DOCK8: variants seen among roughly 807,000 people sequenced by gnomAD.
DOCK8 encodes the protein dedicator of cytokinesis protein 8.
Under a neutral mutation model 245.6 loss-of-function variants are expected in DOCK8, and 141 were observed. That is an observed-to-expected ratio of 0.57 (90% CI 0.50 to 0.66). The LOEUF (loss-of-function observed/expected upper bound fraction) is 0.66, where lower values mean the gene tolerates loss of function less well. Ranked by LOEUF, DOCK8 falls within the 30% of genes least tolerant of loss-of-function variation. DOCK8 has a pLI of 0.00. For synonymous variants in DOCK8, 1,168 were observed against 970.2 expected, an observed-to-expected ratio of 1.20 and a Z score of -3.79; for missense variants, 2,965 against 2,603.4, an observed-to-expected ratio of 1.14 and a Z score of -3.02.
At chr9:462,523 C>G (rs1587139999) in intron 46 of DOCK8, among the ~76,000 whole-genome samples, 3 of 152,214 alleles carry the variant, frequency 2.0e-5, no homozygotes, top group Admixed American at 1.3e-4. Context: ...CAGAATCTCC[C>G]TTTGCCCTGG....
chr9:432,190 G>A lies in DOCK8; in HGVS notation c.4651G>A (p.Val1551Ile). The A allele has an allele frequency of 6.2e-7, 1 of 1,612,418 alleles. No individual in the cohort carries two copies. Among genetic ancestry groups the A allele is most frequent in the Admixed American group, 1.7e-5 (1 of 59,836 alleles). The part of the protein sequence containing the change: ...TSNFARVKMQ[V>I]TMSLASLVGR... Reference sequence around the variant, plus strand: ...GAATTTTGCAAGAGTAAAGATGCAAGTAACCATGTCCCTGGCATCTTTGGT... The same window carrying A: ...GAATTTTGCAAGAGTAAAGATGCAAATAACCATGTCCCTGGCATCTTTGGT... Residue 1551 changes from valine to isoleucine, a missense_variant, in exon 37 of 48, where the codon GTA (valine) becomes ATA (isoleucine). Coordinates refer to ENST00000432829, the MANE Select transcript of DOCK8 (RefSeq NM_203447.4).
intron 1 of DOCK8, among the ~76,000 whole-genome samples, chr9:269,976 T>C (rs992232199): frequency 6.6e-6 from 1 of 152,194 alleles, no homozygotes; most frequent in African/African-American, 2.4e-5. Flanking sequence ...GGCTGCACCA[T>C]TTTATACTCC....
chr9:286,221 T>C (rs570877436), intron 2 of DOCK8, among the ~76,000 whole-genome samples: 1 of 152,282 alleles, frequency 6.6e-6, no homozygotes, highest in Admixed American at 6.5e-5. Flanking sequence ...GAGAGAAAAA[T>C]TCCGCCTTGG....
intron 4 of DOCK8, among the ~76,000 whole-genome samples, chr9:301,661 C>T (rs1192820957): frequency 6.6e-6 from 1 of 152,176 alleles, no homozygotes; most frequent in Non-Finnish European, 1.5e-5. Flanking sequence ...TTTCAGGATA[C>T]AAAATCAATG....
chr9:250,413 T>C (rs2047618130), intron 1 of DOCK8, among the ~76,000 whole-genome samples: 1 of 152,166 alleles, frequency 6.6e-6, no homozygotes, highest in Non-Finnish European at 1.5e-5. Context: ...ACTGATCTCC[T>C]CTGAGAAAAA....
At chr9:275,307 G>T (rs1440531374) in intron 2 of DOCK8, among the ~76,000 whole-genome samples, 1 of 152,154 alleles carries the variant, frequency 6.6e-6, no homozygotes, top group African/African-American at 2.4e-5. Context: ...GATCCATTTG[G>T]GAGAACAGGT....
intron 28 of DOCK8, among the ~76,000 whole-genome samples, chr9:407,313 T>C (rs779301026): frequency 2.0e-5 from 3 of 152,178 alleles, no homozygotes; most frequent in Non-Finnish European, 4.4e-5. Flanking sequence ...TGGTCAACTA[T>C]TTCAGTGGAA....
chr9:384,717 C>G (rs1275102994), intron 22 of DOCK8, among the ~76,000 whole-genome samples: 2 of 152,116 alleles, frequency 1.3e-5, no homozygotes, highest in Non-Finnish European at 2.9e-5. Context: ...GAGATCGAGA[C>G]CATCCTGGCT....
chr9:417,802 A>T (rs2056090784), intron 29 of DOCK8, among the ~76,000 whole-genome samples: 1 of 152,242 alleles, frequency 6.6e-6, no homozygotes, highest in South Asian at 2.1e-4. Context: ...TTAAAAAATT[A>T]TGTTACAGGA....
chr9:271,820 C>A, intron 2 of DOCK8, 91 bp downstream of exon 2: 1 of 829,022 alleles, frequency 1.2e-6, no homozygotes, highest in Non-Finnish European at 2.0e-6. Flanking sequence ...GATCTTCCTA[C>A]CATCACCTCA....
At chr9:266,884 A>T (rs1389111611) in intron 1 of DOCK8, among the ~76,000 whole-genome samples, 1 of 151,490 alleles carries the variant, frequency 6.6e-6, no homozygotes, top group East Asian at 1.9e-4. Context: ...ATCTAACATC[A>T]TGAAACTTAT....
chr9:444,851 C>G (rs2131832565), intron 43 of DOCK8, among the ~76,000 whole-genome samples: 1 of 152,332 alleles, frequency 6.6e-6, no homozygotes, highest in South Asian at 2.1e-4. Context: ...CAGCCCAACT[C>G]ACATGTCCAT....
At chr9:371,299 A>C (rs1157454232) in intron 16 of DOCK8, 129 bp from the exon 17 acceptor site, 1 of 1,042,950 alleles carries the variant, frequency 9.6e-7, no homozygotes, top group Non-Finnish European at 1.5e-6. Context: ...GCTTCAGAGC[A>C]GAGTAATGTA....
At chr9:313,873 C>T (rs759425561) in intron 6 of DOCK8, among the ~76,000 whole-genome samples, 10 of 152,138 alleles carry the variant, frequency 6.6e-5, no homozygotes, top group Non-Finnish European at 1.2e-4. Flanking sequence ...AATCTTTATA[C>T]GATGTATACA....
At chr9:246,612 G>A (rs1250300386) in intron 1 of DOCK8, among the ~76,000 whole-genome samples, 1 of 152,102 alleles carries the variant, frequency 6.6e-6, no homozygotes. Flanking sequence ...GAGTATTTAA[G>A]GGATTATTTC....
chr9:438,392 C>T (rs985797144), intron 39 of DOCK8, among the ~76,000 whole-genome samples: 3 of 152,176 alleles, frequency 2.0e-5, no homozygotes, highest in African/African-American at 7.2e-5. Context: ...TGTTTGTAAT[C>T]CCTAAACTGG....
chr9:229,558 C>G (rs2047062636), intron 1 of DOCK8, among the ~76,000 whole-genome samples: 1 of 152,114 alleles, frequency 6.6e-6, no homozygotes, highest in African/African-American at 2.4e-5. Context: ...TGAAAATTGC[C>G]ACATGTCCCC....
chr9:400,851 T>C (rs376236184), intron 26 of DOCK8, among the ~76,000 whole-genome samples: 279 of 10,000 alleles, frequency 0.028, 27 homozygotes, highest in East Asian at 0.043. Context: ...ACCTCCACCA[T>C]CACCACCTCC....
At position 400,892 on chromosome 9, in the gene DOCK8, ACC is replaced by A. The variant is rs1564016168; in HGVS notation, c.3234+1634_3234+1635del. ...CATCACCACCACCTCCACCACCACCACCTCCCCCACTACCAACAGCTCCTTCA... is the reference window on the plus strand; with the variant it reads ...CATCACCACCACCTCCACCACCACCATCCCCCACTACCAACAGCTCCTTCA... On this transcript the variant is annotated intron_variant, in intron 26 of 47. Coordinates refer to ENST00000432829, the MANE Select transcript of DOCK8 (RefSeq NM_203447.4). Among the ~76,000 whole-genome samples the A allele has an allele frequency of 2.9e-4, 25 of 87,078 alleles. 3 individuals are homozygous for A. The highest frequency in any genetic ancestry group is 5.4e-3 in the Middle Eastern group (1 of 184). The allele number at this position is 87,078 out of a possible 152,430, so 57.1% of individuals were successfully genotyped here.
Sources: gnomAD v4.1 joint callset for allele counts (sites outside exome capture counted in the v4.1 genomes callset) on GRCh38, gnomAD v4.1.1 for gene constraint, MANE v1.5 for transcripts, NCBI Gene and HGNC (gene_info 2026-07-23, HGNC 2026-07-21) for gene names.